SAMD12: variants seen among roughly 807,000 people sequenced by gnomAD.
SAMD12 encodes the protein sterile alpha motif domain containing 12.
A neutral mutation model predicts 15.0 loss-of-function variants in SAMD12; 9 were observed. The ratio of observed to expected loss-of-function variants is 0.60; its 90% confidence interval spans 0.36 to 1.05. The LOEUF (loss-of-function observed/expected upper bound fraction) is 1.05, where lower values mean the gene tolerates loss of function less well. Ranked by LOEUF, SAMD12 falls within the 50% of genes least tolerant of loss-of-function variation. The probability of loss-of-function intolerance (pLI) is 0.01; values close to 1 mark genes in which losing one functional copy is unlikely to be tolerated. For missense variants in SAMD12, 230 were observed against 234.2 expected (o/e 0.98, Z 0.12); for synonymous variants, 86 against 90.1 (o/e 0.96, Z 0.25).
At chr8:118,155,819 C>A in the SAMD12 span, among the ~76,000 whole-genome samples, 1 of 152,168 alleles carries the variant, frequency 6.6e-6, no homozygotes, top group African/African-American at 2.4e-5. Context: ...TATCCATGCA[C>A]ACGGAGTTGA....
intron 1 of SAMD12, among the ~76,000 whole-genome samples, chr8:118,606,003 A>G (rs1827978582): frequency 1.3e-5 from 2 of 152,034 alleles, no homozygotes; most frequent in South Asian, 4.1e-4. Flanking sequence ...AAAGACTTTC[A>G]TGCCCAGATA....
At chr8:118,266,993 G>C (rs2450217) in intron 4 of SAMD12, among the ~76,000 whole-genome samples, 1 of 151,858 alleles carries the variant, frequency 6.6e-6, no homozygotes, top group Non-Finnish European at 1.5e-5. Flanking sequence ...AAGCATTCTC[G>C]CCACAAAAAA....
the SAMD12 span, among the ~76,000 whole-genome samples, chr8:118,140,368 C>A: frequency 6.6e-6 from 1 of 152,122 alleles, no homozygotes; most frequent in South Asian, 2.1e-4. Context: ...ACCTCCTGGG[C>A]TCAGGCAATC....
In SAMD12 at chr8:118,551,269, G is replaced by C. The variant is rs974271482; in HGVS notation, c.192+29446C>G. 2.9e-4 allele frequency among the ~76,000 whole-genome samples: 44 copies of C among 150,654 alleles called. 1 individual carries two copies. Among genetic ancestry groups the C allele is most frequent in the Admixed American group, 1.1e-3 (17 of 15,236 alleles). On this transcript the variant is annotated intron_variant, in intron 2 of 3. Transcript: ENST00000314727. ...CACCTATTCCAAAACTGAACACATAGTTGGAAGTAAAGCTCTCCTCAGCAA... is the reference window on the plus strand; with the variant it reads ...CACCTATTCCAAAACTGAACACATACTTGGAAGTAAAGCTCTCCTCAGCAA...
Position 118,305,144 on chromosome 8 carries a change from CAAAAAAAA to C in SAMD12, c.433+74408_433+74415del, listed in dbSNP as rs56200866. 3.1e-3 allele frequency among the ~76,000 whole-genome samples: 150 copies of C among 48,882 alleles called. 1 individual carries two copies. The highest frequency in any genetic ancestry group is 0.012 in the African/African-American group (146 of 12,296). 32.1% of individuals were successfully genotyped at this position (48,882 alleles called of 152,430 possible). On this transcript the variant is annotated intron_variant, in intron 4 of 4. Coordinates refer to the SAMD12 transcript ENST00000409003. The stretch of plus-strand genomic sequence containing the variant: ...AGCCTGGGCAAAAGTGACTCCCTGT[CAAAAAAAA>C]AAAAAAAAAAAAAAAAAAAAAAAGT...
At chr8:118,412,427 T>C (rs755223610) in intron 3 of SAMD12, among the ~76,000 whole-genome samples, 26 of 152,126 alleles carry the variant, frequency 1.7e-4, no homozygotes, top group Non-Finnish European at 2.4e-4. Flanking sequence ...AAGAATAACT[T>C]ATACATAAAA....
chr8:118,321,317 T>C (rs1787926123), intron 4 of SAMD12, among the ~76,000 whole-genome samples: 1 of 126,760 alleles, frequency 7.9e-6, no homozygotes, highest in African/African-American at 3.4e-5. Flanking sequence ...TTTGGTTTTT[T>C]TTTAAAGAAA....
At chr8:118,354,344 A>G (rs1435755462) in intron 4 of SAMD12, among the ~76,000 whole-genome samples, 1 of 152,218 alleles carries the variant, frequency 6.6e-6, no homozygotes, top group African/African-American at 2.4e-5. Flanking sequence ...CTATTTTCAG[A>G]AAGCCTCTCT....
intron 4 of SAMD12, among the ~76,000 whole-genome samples, chr8:118,303,907 A>G (rs1815174724): frequency 6.6e-6 from 1 of 152,166 alleles, no homozygotes; most frequent in African/African-American, 2.4e-5. Context: ...GACCTTCTGC[A>G]TTGTTGGCTA....
At chr8:118,542,190 G>C (rs1671724147) in intron 2 of SAMD12, among the ~76,000 whole-genome samples, 1 of 152,108 alleles carries the variant, frequency 6.6e-6, no homozygotes, top group African/African-American at 2.4e-5. Context: ...AAGTGTCAGG[G>C]ACTTCCAGAT....
chr8:118,211,683 C>CTT (rs139345750), intron 4 of SAMD12, among the ~76,000 whole-genome samples: 3 of 149,972 alleles, frequency 2.0e-5, no homozygotes, highest in Non-Finnish European at 4.5e-5. Context: ...TACAAGTAAG[C>CTT]TTTTTTTTTT....
At chr8:118,451,756 C>T (rs936713917) in intron 2 of SAMD12, among the ~76,000 whole-genome samples, 12 of 152,068 alleles carry the variant, frequency 7.9e-5, no homozygotes, top group Non-Finnish European at 1.3e-4. Flanking sequence ...GAATCCATTA[C>T]GGTAGGGGGT....
At chr8:118,261,214 A>G (rs1019068404) in intron 4 of SAMD12, among the ~76,000 whole-genome samples, 1 of 152,130 alleles carries the variant, frequency 6.6e-6, no homozygotes, top group Non-Finnish European at 1.5e-5. Flanking sequence ...ACCACTTATT[A>G]GCACTGCTGT....
At chr8:118,277,380 A>G (rs556197698) in intron 4 of SAMD12, among the ~76,000 whole-genome samples, 1 of 152,120 alleles carries the variant, frequency 6.6e-6, no homozygotes, top group Admixed American at 6.6e-5. Context: ...TTTTATCATC[A>G]TAGTCATCGT....
chr8:118,258,586 A>G (rs962773381), intron 4 of SAMD12, among the ~76,000 whole-genome samples: 7 of 152,162 alleles, frequency 4.6e-5, no homozygotes, highest in African/African-American at 1.7e-4. Context: ...GTGTAGCCTC[A>G]TAGATCATAT....
At chr8:118,325,765 T>C (rs1816535998) in intron 4 of SAMD12, among the ~76,000 whole-genome samples, 1 of 152,222 alleles carries the variant, frequency 6.6e-6, no homozygotes, top group African/African-American at 2.4e-5. Context: ...TTCTTTATCC[T>C]TGATTGTAGT....
intron 2 of SAMD12, among the ~76,000 whole-genome samples, chr8:118,488,421 A>G (rs1295882113): frequency 6.6e-6 from 1 of 152,196 alleles, no homozygotes; most frequent in Non-Finnish European, 1.5e-5. Flanking sequence ...TTACAGGTAC[A>G]GTGCAATAAT....
the SAMD12 span, among the ~76,000 whole-genome samples, chr8:118,153,260 A>G: frequency 5.5e-5 from 7 of 126,550 alleles, no homozygotes; most frequent in African/African-American, 2.0e-4. Context: ...ACCTGGGGAA[A>G]GAGGAAACAG....
chr8:118,457,221 TC>T (rs145998855), intron 2 of SAMD12, among the ~76,000 whole-genome samples: 2,417 of 105,748 alleles, frequency 0.023, 68 homozygotes, highest in African/African-American at 0.066. Flanking sequence ...TCTCTCTCTC[TC>T]TTTTTTTTTT....
Sources: gnomAD v4.1 joint callset for allele counts (sites outside exome capture counted in the v4.1 genomes callset) on GRCh38, gnomAD v4.1.1 for gene constraint, MANE v1.5 for transcripts, NCBI Gene and HGNC (gene_info 2026-07-23, HGNC 2026-07-21) for gene names.